WIF1: variants seen among roughly 807,000 people sequenced by gnomAD.
The protein encoded by WIF1 is Wnt inhibitory factor 1.
In WIF1, 35 loss-of-function variants were observed where a neutral mutation model predicts 53.5. The ratio of observed to expected loss-of-function variants is 0.65; its 90% CI spans 0.50 to 0.87. WIF1 has a LOEUF of 0.87. Among genes scored for constraint, WIF1 ranks in the 40% least tolerant of loss-of-function variants. WIF1 has a pLI of 0.00. For synonymous variants in WIF1, 171 were observed against 170.4 expected, an observed-to-expected ratio of 1.00 and a Z score of -0.03; for missense variants, 467 against 476.8, an observed-to-expected ratio of 0.98 and a Z score of 0.19.
chr12:65,094,969 G>C (rs1254719838), intron 2 of WIF1, among the ~76,000 whole-genome samples: 1 of 150,326 alleles, frequency 6.7e-6, no homozygotes, highest in African/African-American at 2.5e-5. Context: ...GTCTCTCTCT[G>C]TCACCCGGGC....
At chr12:65,084,994 T>G (rs1883013658) in intron 2 of WIF1, among the ~76,000 whole-genome samples, 1 of 152,212 alleles carries the variant, frequency 6.6e-6, no homozygotes, top group Non-Finnish European at 1.5e-5. Flanking sequence ...GTTTTATGCT[T>G]GTTCTGGCAC....
chr12:65,111,035 C>T (rs578194768), intron 2 of WIF1, among the ~76,000 whole-genome samples: 51 of 152,220 alleles, frequency 3.4e-4, no homozygotes, highest in African/African-American at 9.6e-4. Flanking sequence ...GGAAACTTCA[C>T]GTGCAAAGGC....
chr12:65,100,901 T>TA lies in WIF1; in HGVS notation c.288+19515dup, dbSNP rs903912612. Among the ~76,000 whole-genome samples, 159 of 150,900 alleles carry TA rather than the reference T, an allele frequency of 1.1e-3. 1 individual carries two copies. The highest frequency in any genetic ancestry group is 3.2e-3 in the African/African-American group (132 of 41,104). ...TACCACAAAATATTGTGTAGCCACT[T>TA]AAAAAAAAACCATGTTTACCGAGTA... On this transcript the variant is annotated intron_variant, in intron 2 of 9. Coordinates refer to ENST00000286574, the MANE Select transcript of WIF1 (RefSeq NM_007191.5).
chr12:65,085,278 A>G (rs903639519), intron 2 of WIF1, among the ~76,000 whole-genome samples: 5 of 152,178 alleles, frequency 3.3e-5, no homozygotes, highest in South Asian at 2.1e-4. Flanking sequence ...AATATATATA[A>G]TAAGATATCT....
intron 9 of WIF1, 140 bp from the exon 10 acceptor site, chr12:65,051,610 G>A: frequency 9.3e-7 from 1 of 1,071,252 alleles, no homozygotes; most frequent in Non-Finnish European, 1.3e-6. Flanking sequence ...AAAGCTACCT[G>A]AATGAAGAGA....
At chr12:65,076,600 C>A (rs965306389) in intron 3 of WIF1, among the ~76,000 whole-genome samples, 4 of 152,104 alleles carry the variant, frequency 2.6e-5, no homozygotes, top group African/African-American at 9.7e-5. Flanking sequence ...GATTTTGGTA[C>A]GCACATTAAT....
chr12:65,112,404 T>TCACACACACA (rs758383148), intron 2 of WIF1, among the ~76,000 whole-genome samples: 21,673 of 123,184 alleles, frequency 0.18, 2,563 homozygotes, highest in Admixed American at 0.23. Context: ...CCTGCTCTAA[T>TCACACACACA]CACACACACA....
intron 2 of WIF1, among the ~76,000 whole-genome samples, chr12:65,082,186 C>A (rs1882960509): frequency 6.6e-6 from 1 of 152,090 alleles, no homozygotes; most frequent in Non-Finnish European, 1.5e-5. Context: ...AGACCCAAAT[C>A]TCCCCATTGG....
At position 65,051,470 on chromosome 12, in the gene WIF1, C is replaced by A. The variant is rs781491656; in HGVS notation, c.1019G>T (p.Arg340Met). Residue 340 changes from arginine (R) to methionine (M), a missense_variant and splice_region_variant, in exon 10 of 10, where the codon AGG becomes ATG. Transcript: ENST00000286574. ...EGWHGRHCNK[R>M]YEASLIHALR... is the part of the protein sequence containing the mutation. ...GGCATGTATGAGGCTGGCTTCGTAC[C>A]CTGCAAAATTATTCACAGCTTAAAA... 1 of 1,583,944 alleles carries A rather than the reference C, an allele frequency of 6.3e-7. No individual in the cohort carries two copies. Among genetic ancestry groups the A allele is most frequent in the East Asian group, 2.3e-5 (1 of 43,526 alleles).
intron 8 of WIF1, 25 bp downstream of exon 8, chr12:65,056,006 T>C (rs1156585651): frequency 2.5e-6 from 4 of 1,603,142 alleles, no homozygotes; most frequent in Non-Finnish European, 1.7e-6. Context: ...GTAGCCCAGA[T>C]TGGCAATGTG....
At chr12:65,113,138 C>T (rs1452362505) in intron 2 of WIF1, among the ~76,000 whole-genome samples, 1 of 152,142 alleles carries the variant, frequency 6.6e-6, no homozygotes. Context: ...TGCCATCCAC[C>T]AAGGTTCTAT....
intron 2 of WIF1, chr12:65,083,741 C>A: frequency 3.0e-6 from 1 of 330,494 alleles, no homozygotes; most frequent in Admixed American, 4.1e-5. Flanking sequence ...TTTCTCTTTT[C>A]TTTTCTTTCC....
intron 2 of WIF1, among the ~76,000 whole-genome samples, chr12:65,084,178 C>T (rs1192124900): frequency 6.6e-6 from 1 of 152,194 alleles, no homozygotes; most frequent in Non-Finnish European, 1.5e-5. Flanking sequence ...CTTTCATCCT[C>T]ACCACTTCCA....
intron 2 of WIF1, among the ~76,000 whole-genome samples, chr12:65,106,638 G>T (rs535456179): frequency 2.3e-4 from 35 of 152,178 alleles, no homozygotes; most frequent in Admixed American, 6.5e-4. Flanking sequence ...GAGCCACTGC[G>T]CCCATCCCAA....
chr12:65,120,933 C>G (rs1289241550), intron 1 of WIF1, 111 bp downstream of exon 1: 26 of 1,309,378 alleles, frequency 2.0e-5, no homozygotes, highest in Middle Eastern at 4.4e-4. Flanking sequence ...GGGGAACACT[C>G]TTTTGTGGAA....
chr12:65,094,026 T>C (rs562205426), intron 2 of WIF1, among the ~76,000 whole-genome samples: 2 of 152,350 alleles, frequency 1.3e-5, no homozygotes, highest in South Asian at 4.1e-4. Flanking sequence ...ATTCCATATG[T>C]TACAGTCTCG....
intron 2 of WIF1, among the ~76,000 whole-genome samples, chr12:65,111,223 ATCCCAGATT>A (rs1883426293): frequency 6.6e-6 from 1 of 152,160 alleles, no homozygotes; most frequent in Non-Finnish European, 1.5e-5. Context: ...TCTCCTCTCA[ATCCCAGATT>A]TCTCTCCTTG....
intron 3 of WIF1, among the ~76,000 whole-genome samples, chr12:65,069,806 T>C (rs555707898): frequency 6.6e-6 from 1 of 152,162 alleles, no homozygotes; most frequent in Non-Finnish European, 1.5e-5. Context: ...GCAAATCAGA[T>C]GTGATCATTT....
chr12:65,081,336 G>A (rs913067052), intron 2 of WIF1, among the ~76,000 whole-genome samples: 6 of 152,088 alleles, frequency 3.9e-5, no homozygotes, highest in African/African-American at 1.4e-4. Context: ...CTTCCAAAAA[G>A]TTTTGATGAT....
Sources: allele counts gnomAD v4.1 joint callset (sites outside exome capture counted in the v4.1 genomes callset), GRCh38; gene constraint gnomAD v4.1.1; transcripts MANE v1.5; gene names NCBI Gene and HGNC (gene_info 2026-07-23, HGNC 2026-07-21).